CAMK1D: variants seen among roughly 807,000 people sequenced by gnomAD.
CAMK1D encodes the protein calcium/calmodulin dependent protein kinase ID.
CAMK1D carries 9 observed loss-of-function variants against 47.7 expected under a neutral mutation model. That is an observed-to-expected ratio of 0.19 (90% CI 0.11 to 0.33). The LOEUF (loss-of-function observed/expected upper bound fraction) is 0.33, where lower values mean the gene tolerates loss of function less well. Among genes scored for constraint, CAMK1D ranks in the 10% least tolerant of loss-of-function variants. The pLI is 1.00. For missense variants in CAMK1D, 291 were observed against 488.7 expected (o/e 0.60, Z 3.81); for synonymous variants, 184 against 184.9 (o/e 0.99, Z 0.04).
chr10:12,435,981 G>A (rs1275769359), intron 1 of CAMK1D, among the ~76,000 whole-genome samples: 1 of 152,184 alleles, frequency 6.6e-6, no homozygotes, highest in Non-Finnish European at 1.5e-5. Context: ...ATGGGGTGGT[G>A]GGGACAGTCG....
chr10:12,751,126 GA>G, intron 3 of CAMK1D, among the ~76,000 whole-genome samples: 1 of 137,226 alleles, frequency 7.3e-6, no homozygotes, highest in East Asian at 2.2e-4. Flanking sequence ...GATAAGATAA[GA>G]AGGCTTCAGA....
At chr10:12,422,306 T>C (rs10795953) in intron 1 of CAMK1D, among the ~76,000 whole-genome samples, 61,966 of 152,046 alleles carry the variant, frequency 0.41, 12,837 homozygotes, top group Admixed American at 0.47. Context: ...ATTTTAGTCG[T>C]GTGTAACAGG....
At chr10:12,544,175 T>C (rs968139655) in intron 1 of CAMK1D, among the ~76,000 whole-genome samples, 3 of 152,244 alleles carry the variant, frequency 2.0e-5, no homozygotes, top group African/African-American at 7.2e-5. Flanking sequence ...AGAAAACATT[T>C]AGCATTTCAA....
chr10:12,694,867 A>G (rs191227820), intron 3 of CAMK1D, among the ~76,000 whole-genome samples: 1 of 152,000 alleles, frequency 6.6e-6, no homozygotes, highest in Admixed American at 6.6e-5. Context: ...AAAGTATTAC[A>G]AAGAAACAAA....
chr10:12,771,074 C>T (rs1270616602), intron 5 of CAMK1D, among the ~76,000 whole-genome samples: 8 of 151,992 alleles, frequency 5.3e-5, no homozygotes, highest in Admixed American at 4.6e-4. Flanking sequence ...GGATTACAGG[C>T]GCCTGCCACC....
chr10:12,710,394 G>T (rs1833892739), intron 3 of CAMK1D, among the ~76,000 whole-genome samples: 1 of 152,124 alleles, frequency 6.6e-6, no homozygotes, highest in Non-Finnish European at 1.5e-5. Flanking sequence ...TGTTTATTGA[G>T]CATCTATTAT....
At chr10:12,685,005 G>A (rs1016385760) in intron 3 of CAMK1D, among the ~76,000 whole-genome samples, 2 of 152,202 alleles carry the variant, frequency 1.3e-5, no homozygotes, top group Non-Finnish European at 2.9e-5. Flanking sequence ...GTTTTCCAAA[G>A]GTCTTTAACA....
chr10:12,564,159 C>CTGTCTG (rs139538585), intron 2 of CAMK1D, among the ~76,000 whole-genome samples: 117 of 106,870 alleles, frequency 1.1e-3, no homozygotes, highest in African/African-American at 3.0e-3. Context: ...CTCTCTCTCT[C>CTGTCTG]TCTCTCTCTC....
intron 1 of CAMK1D, among the ~76,000 whole-genome samples, chr10:12,523,319 C>T (rs994850733): frequency 4.6e-5 from 7 of 151,888 alleles, no homozygotes; most frequent in East Asian, 3.9e-4. Flanking sequence ...CAGGCAGAGA[C>T]GCTCCTCATT....
intron 5 of CAMK1D, among the ~76,000 whole-genome samples, chr10:12,770,938 G>A (rs1206266120): frequency 1.3e-5 from 2 of 151,920 alleles, no homozygotes; most frequent in Admixed American, 1.3e-4. Flanking sequence ...GGGGGGTGGG[G>A]GGTGTGGTAG....
intron 1 of CAMK1D, among the ~76,000 whole-genome samples, chr10:12,421,605 G>A (rs974766019): frequency 2.5e-5 from 3 of 122,442 alleles, no homozygotes; most frequent in African/African-American, 6.2e-5. Context: ...GACTCACTAC[G>A]ACCTCTGCCT....
intron 1 of CAMK1D, among the ~76,000 whole-genome samples, chr10:12,352,895 C>T (rs1414141687): frequency 2.0e-5 from 3 of 151,888 alleles, no homozygotes; most frequent in African/African-American, 7.2e-5. Context: ...CGCCGCCATG[C>T]CTGGCTAATT....
chr10:12,546,608 C>T (rs182873096), intron 1 of CAMK1D, among the ~76,000 whole-genome samples: 1,664 of 152,116 alleles, frequency 0.011, 42 homozygotes, highest in African/African-American at 0.038. Context: ...GGCACATATA[C>T]ACCATGGAAT....
chr10:12,381,073 G>C (rs912108114), intron 1 of CAMK1D, among the ~76,000 whole-genome samples: 5 of 152,182 alleles, frequency 3.3e-5, no homozygotes, highest in Non-Finnish European at 5.9e-5. Flanking sequence ...GTGAAAGCCT[G>C]CCTTTTCCCT....
intron 1 of CAMK1D, among the ~76,000 whole-genome samples, chr10:12,398,205 CTTTTT>C (rs1022738614): frequency 1.3e-5 from 2 of 151,550 alleles, no homozygotes; most frequent in Non-Finnish European, 2.9e-5. Context: ...CTACCTCATT[CTTTTT>C]TTTTCTTTAG....
At chr10:12,724,432 A>G (rs1834526982) in intron 3 of CAMK1D, among the ~76,000 whole-genome samples, 2 of 152,204 alleles carry the variant, frequency 1.3e-5, no homozygotes, top group South Asian at 2.1e-4. Context: ...CACTTAGGAT[A>G]GGAGTCACTT....
At chr10:12,690,793 G>T (rs1051757319) in intron 3 of CAMK1D, among the ~76,000 whole-genome samples, 2 of 152,160 alleles carry the variant, frequency 1.3e-5, no homozygotes, top group African/African-American at 2.4e-5. Flanking sequence ...GTGTCAGGCA[G>T]TTGGGGGCAG....
intron 1 of CAMK1D, among the ~76,000 whole-genome samples, chr10:12,368,149 G>T (rs1023783329): frequency 6.7e-6 from 1 of 149,758 alleles, no homozygotes; most frequent in Non-Finnish European, 1.5e-5. Flanking sequence ...CCGAGATTGC[G>T]CCACTGCAGT....
At chr10:12,432,882 C>T (rs979790151) in intron 1 of CAMK1D, among the ~76,000 whole-genome samples, 11 of 152,062 alleles carry the variant, frequency 7.2e-5, no homozygotes, top group East Asian at 5.8e-4. Context: ...GGTGCCGTCT[C>T]GGCAATGGGA....
Sources: allele counts gnomAD v4.1 joint callset (sites outside exome capture counted in the v4.1 genomes callset), GRCh38; gene constraint gnomAD v4.1.1; transcripts MANE v1.5; gene names NCBI Gene and HGNC (gene_info 2026-07-23, HGNC 2026-07-21).